The following PRKCB variants were observed in gnomAD, a reference collection of about 807,000 sequenced individuals.
The protein encoded by PRKCB is protein kinase C beta.
Under a neutral mutation model 81.5 loss-of-function variants are expected in PRKCB, and 13 were observed. The observed-to-expected ratio is 0.16, with a 90% CI of 0.10 to 0.25. The LOEUF (loss-of-function observed/expected upper bound fraction) is 0.25. PRKCB is among the 10% of genes least tolerant of loss of function. The probability of loss-of-function intolerance (pLI) is 1.00; values close to 1 mark genes in which losing one functional copy is unlikely to be tolerated. For missense variants in PRKCB, 509 were observed against 875.7 expected (o/e 0.58, Z 5.29); for synonymous variants, 335 against 321.4 (o/e 1.04, Z -0.45).
chr16:24,012,003 C>T (rs1004676534), intron 3 of PRKCB, among the ~76,000 whole-genome samples: 48 of 152,186 alleles, frequency 3.2e-4, no homozygotes, highest in African/African-American at 1.0e-3. Context: ...CCTGGCTTCA[C>T]TCCTTAATGC....
chr16:24,190,071 A>G (rs1008758629), intron 15 of PRKCB, among the ~76,000 whole-genome samples: 3 of 152,100 alleles, frequency 2.0e-5, no homozygotes, highest in African/African-American at 4.8e-5. Flanking sequence ...GCATCTATTC[A>G]TCTTGTTATT....
Position 24,130,444 on chromosome 16 carries a change from G to A in PRKCB, c.1065+6463G>A, listed in dbSNP as rs1310851383. Among the ~76,000 whole-genome samples, 3 of 152,160 alleles carry A rather than the reference G, an allele frequency of 2.0e-5. No individual in the cohort carries two copies. In the East Asian group the frequency reaches 5.8e-4, roughly 29 times the overall value. ...GGGGAAATAGTAAATGAAAATCTCAGAATGTCTCTTTGTTCCTGGCCCCCA... is the reference window on the plus strand; with the variant it reads ...GGGGAAATAGTAAATGAAAATCTCAAAATGTCTCTTTGTTCCTGGCCCCCA... On this transcript the variant is annotated intron_variant, in intron 9 of 16. Coordinates refer to ENST00000643927, the MANE Select transcript of PRKCB (RefSeq NM_002738.7).
At chr16:23,854,062 C>T (rs912009794) in intron 2 of PRKCB, among the ~76,000 whole-genome samples, 6 of 150,780 alleles carry the variant, frequency 4.0e-5, no homozygotes, top group African/African-American at 7.3e-5. Flanking sequence ...TTCACTATCA[C>T]GAGAACAGCA....
intron 3 of PRKCB, among the ~76,000 whole-genome samples, chr16:24,008,893 C>T (rs1965164010): frequency 6.6e-6 from 1 of 152,108 alleles, no homozygotes; most frequent in African/African-American, 2.4e-5. Flanking sequence ...CCCTTTCACT[C>T]TGATTTTCTA....
intron 2 of PRKCB, among the ~76,000 whole-genome samples, chr16:23,982,305 C>G (rs1358253721): frequency 1.9e-4 from 23 of 123,972 alleles, no homozygotes; most frequent in African/African-American, 6.0e-4. Context: ...CTTCCCTTCC[C>G]TTTCCCTTCC....
intron 10 of PRKCB, among the ~76,000 whole-genome samples, chr16:24,164,275 T>C (rs934237401): frequency 4.6e-5 from 7 of 152,298 alleles, no homozygotes; most frequent in Admixed American, 6.5e-5. Flanking sequence ...TCCCACCTAG[T>C]CATCATTTTA....
chr16:24,220,014 G>A lies in PRKCB; in HGVS notation c.*5198G>A, dbSNP rs1281653392. 1.2e-6 allele frequency: 2 copies of A among 1,614,014 alleles called. No homozygotes were observed. The highest frequency in any genetic ancestry group is 1.7e-6 in the Non-Finnish European group (2 of 1,180,036). On this transcript the variant is annotated 3_prime_UTR_variant, in exon 17 of 17. Transcript: ENST00000643927. Reference sequence around the variant, plus strand: ...ACAAAGAGTTCACCAGACAGCCTGTGGAACTGACCCCCACTGATAAACTCT... The same window carrying A: ...ACAAAGAGTTCACCAGACAGCCTGTAGAACTGACCCCCACTGATAAACTCT...
chr16:23,905,036 T>A (rs1413759641), intron 2 of PRKCB, among the ~76,000 whole-genome samples: 1 of 123,940 alleles, frequency 8.1e-6, no homozygotes, highest in Non-Finnish European at 1.6e-5. Flanking sequence ...TTGGTCCTTT[T>A]TTTTTCTTTT....
intron 5 of PRKCB, among the ~76,000 whole-genome samples, chr16:24,045,168 G>C (rs919381999): frequency 6.6e-6 from 1 of 151,390 alleles, no homozygotes; most frequent in East Asian, 1.9e-4. Flanking sequence ...GAAATAAATT[G>C]TCTCAACAAC....
intron 13 of PRKCB, 142 bp downstream of exon 13, chr16:24,181,070 C>T (rs1967614223): frequency 9.4e-7 from 1 of 1,067,538 alleles, no homozygotes; most frequent in African/African-American, 1.6e-5. Flanking sequence ...CTAAATCCTC[C>T]CTTTGAGATC....
At chr16:24,019,071 A>G (rs2141843118) in intron 3 of PRKCB, among the ~76,000 whole-genome samples, 1 of 152,308 alleles carries the variant, frequency 6.6e-6, no homozygotes, top group African/African-American at 2.4e-5. Flanking sequence ...ATTCTACTTT[A>G]CATCAAAAGT....
chr16:24,118,400 A>G (rs1253348588), intron 8 of PRKCB, among the ~76,000 whole-genome samples: 1 of 152,248 alleles, frequency 6.6e-6, no homozygotes, highest in African/African-American at 2.4e-5. Flanking sequence ...AAAGCTCAGA[A>G]CATCCTCTTT....
chr16:24,096,664 A>ATATATATATATAT (rs1260873156), intron 7 of PRKCB, among the ~76,000 whole-genome samples: 50 of 85,254 alleles, frequency 5.9e-4, no homozygotes, highest in Middle Eastern at 7.4e-3. Context: ...AAAAAAAAAA[A>ATATATATATATAT]AAATATATAT....
At chr16:24,139,114 A>C (rs977098205) in intron 9 of PRKCB, among the ~76,000 whole-genome samples, 2 of 151,864 alleles carry the variant, frequency 1.3e-5, no homozygotes, top group Admixed American at 6.6e-5. Context: ...AGCCTCCCCA[A>C]GTGCTGGGAT....
chr16:24,148,630 G>A (rs180775630), intron 9 of PRKCB, among the ~76,000 whole-genome samples: 1 of 152,286 alleles, frequency 6.6e-6, no homozygotes, highest in East Asian at 1.9e-4. Context: ...CCAAACCCAA[G>A]GTGGCAGGGA....
chr16:23,905,181 C>T (rs142802351), intron 2 of PRKCB, among the ~76,000 whole-genome samples: 1 of 152,146 alleles, frequency 6.6e-6, no homozygotes, highest in African/African-American at 2.4e-5. Flanking sequence ...GCCAGGCTGA[C>T]TCTGTGAGCT....
intron 2 of PRKCB, among the ~76,000 whole-genome samples, chr16:23,872,800 A>G (rs536877963): frequency 0.012 from 1,881 of 151,956 alleles, 21 homozygotes; most frequent in Middle Eastern, 0.037. Flanking sequence ...TGCTGCCATT[A>G]TTATTATTAT....
At chr16:24,133,581 T>G (rs1966856739) in intron 9 of PRKCB, among the ~76,000 whole-genome samples, 1 of 152,114 alleles carries the variant, frequency 6.6e-6, no homozygotes, top group Non-Finnish European at 1.5e-5. Flanking sequence ...CCTTACCAAC[T>G]CTACTGCCCA....
At chr16:23,918,993 C>T (rs1963784224) in intron 2 of PRKCB, among the ~76,000 whole-genome samples, 1 of 152,188 alleles carries the variant, frequency 6.6e-6, no homozygotes, top group African/African-American at 2.4e-5. Context: ...TGTCATGGCT[C>T]AAACATGTTT....
Sources: gnomAD v4.1 joint callset for allele counts (sites outside exome capture counted in the v4.1 genomes callset) on GRCh38, gnomAD v4.1.1 for gene constraint, MANE v1.5 for transcripts, NCBI Gene and HGNC (gene_info 2026-07-23, HGNC 2026-07-21) for gene names.